The following SOX6 variants were observed in gnomAD, a reference collection of about 807,000 sequenced individuals.
SOX6 encodes the protein transcription factor SOX-6.
In SOX6, 11 loss-of-function variants were observed where a neutral mutation model predicts 97.8. That is an observed-to-expected ratio of 0.11 (90% CI 0.07 to 0.19). The LOEUF (loss-of-function observed/expected upper bound fraction) is 0.19, where lower values mean the gene tolerates loss of function less well. Ranked by LOEUF, SOX6 falls within the 10% of genes least tolerant of loss-of-function variation. The pLI is 1.00. For synonymous variants in SOX6, 360 were observed against 371.4 expected (o/e 0.97, Z 0.35); for missense variants, 810 against 1,039.5 (o/e 0.78, Z 3.04).
intron 5 of SOX6, among the ~76,000 whole-genome samples, chr11:16,186,120 A>G (rs1851467460): frequency 6.6e-6 from 1 of 152,142 alleles, no homozygotes; most frequent in African/African-American, 2.4e-5. Flanking sequence ...AAACTTTGCT[A>G]TTTTTTCTTC....
chr11:16,080,287 G>T (rs1046261265), intron 9 of SOX6, among the ~76,000 whole-genome samples: 6 of 138,112 alleles, frequency 4.3e-5, no homozygotes, highest in Non-Finnish European at 9.5e-5. Context: ...GACTGAAAAA[G>T]AAATTTAGAA....
chr11:16,200,525 T>C (rs1041145292), intron 4 of SOX6, among the ~76,000 whole-genome samples: 5 of 152,308 alleles, frequency 3.3e-5, no homozygotes, highest in African/African-American at 1.2e-4. Context: ...ATGCATTCTT[T>C]CCATCATACT....
chr11:16,377,921 T>C (rs1857687293), intron 1 of SOX6, among the ~76,000 whole-genome samples: 1 of 152,176 alleles, frequency 6.6e-6, no homozygotes, highest in Non-Finnish European at 1.5e-5. Flanking sequence ...GGTTTCAAAC[T>C]GTTGGGCGGA....
intron 3 of SOX6, among the ~76,000 whole-genome samples, chr11:16,310,309 G>A (rs1450748722): frequency 6.6e-6 from 1 of 151,610 alleles, no homozygotes; most frequent in East Asian, 1.9e-4. Context: ...AGGAAGACCA[G>A]TTTCAAAAAA....
intron 4 of SOX6, among the ~76,000 whole-genome samples, chr11:16,486,117 C>T (rs182176816): frequency 2.0e-5 from 3 of 151,974 alleles, no homozygotes; most frequent in East Asian, 3.9e-4. Flanking sequence ...AAACTATTTA[C>T]AGAATTACCA....
At chr11:16,476,611 TA>T (rs1565157736), upstream of SOX6, among the ~76,000 whole-genome samples, 1 of 152,028 alleles carries the variant, frequency 6.6e-6, no homozygotes, top group Non-Finnish European at 1.5e-5. Flanking sequence ...ATTGCTCTTT[TA>T]AAAAAATCGG....
chr11:16,734,259 C>A (rs759176299), intron 2 of SOX6, among the ~76,000 whole-genome samples: 21 of 152,258 alleles, frequency 1.4e-4, no homozygotes, highest in Non-Finnish European at 2.8e-4. Flanking sequence ...CCATCATCAA[C>A]CACAAATATG....
intron 3 of SOX6, among the ~76,000 whole-genome samples, chr11:16,246,867 T>C (rs1853350722): frequency 1.3e-5 from 2 of 152,182 alleles, no homozygotes; most frequent in Admixed American, 1.3e-4. Context: ...TCAAGGTAAC[T>C]TGGGTATCCA....
intron 4 of SOX6, among the ~76,000 whole-genome samples, chr11:16,233,585 C>T (rs1052274358): frequency 1.3e-5 from 2 of 152,172 alleles, no homozygotes; most frequent in East Asian, 3.9e-4. Context: ...TAATAATAAC[C>T]ACCAAACTTA....
chr11:16,284,730 C>T (rs1026665357), intron 3 of SOX6, among the ~76,000 whole-genome samples: 1 of 152,024 alleles, frequency 6.6e-6, no homozygotes, highest in Non-Finnish European at 1.5e-5. Context: ...GCAATAGAAA[C>T]CCACGTATGT....
chr11:15,981,557 T>C (rs1020824076), intron 15 of SOX6, among the ~76,000 whole-genome samples: 3 of 152,194 alleles, frequency 2.0e-5, no homozygotes, highest in South Asian at 2.1e-4. Context: ...TCTCTGTAGC[T>C]GATACTGCAG....
chr11:16,231,983 T>C (rs1240237820), intron 4 of SOX6, among the ~76,000 whole-genome samples: 4 of 151,866 alleles, frequency 2.6e-5, no homozygotes, highest in African/African-American at 4.8e-5. Context: ...AATTAAAAGA[T>C]AATTTCACTA....
intron 1 of SOX6, among the ~76,000 whole-genome samples, chr11:16,466,975 C>A (rs1438835208): frequency 1.4e-5 from 2 of 143,060 alleles, no homozygotes; most frequent in African/African-American, 5.2e-5. Flanking sequence ...AAAAAGTGGG[C>A]AAAGGACATG....
intron 3 of SOX6, among the ~76,000 whole-genome samples, chr11:16,661,884 G>A (rs373318053): frequency 3.3e-5 from 5 of 151,936 alleles, no homozygotes; most frequent in East Asian, 1.9e-4. Context: ...CTCTCTCCTC[G>A]TTTTCCATGC....
upstream of SOX6, among the ~76,000 whole-genome samples, chr11:16,480,064 T>C (rs1860318101): frequency 6.6e-6 from 1 of 152,032 alleles, no homozygotes; most frequent in Non-Finnish European, 1.5e-5. Flanking sequence ...CCACAATATA[T>C]TGTTGAATAA....
At chr11:16,321,751 A>G (rs896051632) in intron 2 of SOX6, among the ~76,000 whole-genome samples, 5 of 152,158 alleles carry the variant, frequency 3.3e-5, no homozygotes, top group African/African-American at 1.2e-4. Context: ...ATTACTTGCA[A>G]TATGTCACCA....
rs560202780 is a variant in SOX6 at position 16,511,304 on chromosome 11, A to T, written n.610-34916T>A. ...CACAGTTTCAGTCATCAGTGCTCCC[A>T]CCCATAGAGTGTCATCCTCAGAAAC... On this transcript the variant is annotated intron_variant and non_coding_transcript_variant, in intron 4 of 5. Coordinates refer to the SOX6 transcript ENST00000524520. 1.7e-3 allele frequency among the ~76,000 whole-genome samples: 253 copies of T among 152,274 alleles called. 6 individuals carry two copies. The highest frequency in any genetic ancestry group is 2.1e-3 in the Non-Finnish European group (145 of 68,008).
chr11:16,591,048 T>A (rs900107764), intron 4 of SOX6, among the ~76,000 whole-genome samples: 1 of 152,102 alleles, frequency 6.6e-6, no homozygotes, highest in Non-Finnish European at 1.5e-5. Context: ...AAATATCTCA[T>A]GTACCATATA....
chr11:16,590,014 AT>A (rs1164507344), intron 4 of SOX6, among the ~76,000 whole-genome samples: 6 of 152,160 alleles, frequency 3.9e-5, no homozygotes, highest in South Asian at 2.1e-4. Context: ...ATACAAAAAA[AT>A]AATATGACAA....
Sources: allele counts gnomAD v4.1 joint callset (sites outside exome capture counted in the v4.1 genomes callset), GRCh38; gene constraint gnomAD v4.1.1; transcripts MANE v1.5; gene names NCBI Gene and HGNC (gene_info 2026-07-23, HGNC 2026-07-21).